The following SMARCA1 variants were observed in gnomAD, a reference collection of about 807,000 sequenced individuals.
SMARCA1 encodes the protein SWI/SNF-related matrix-associated actin-dependent regulator of chromatin subfamily A member 1.
In SMARCA1, 17 loss-of-function variants were observed where a neutral mutation model predicts 93.6. The ratio of observed to expected loss-of-function variants is 0.18; its 90% CI spans 0.12 to 0.27. The LOEUF (loss-of-function observed/expected upper bound fraction) is 0.27. SMARCA1 is among the 10% of genes least tolerant of loss of function. The pLI, the probability that SMARCA1 is intolerant of heterozygous loss-of-function variation, is 1.00. For synonymous variants in SMARCA1, 271 were observed against 271.4 expected (o/e 1.00, Z 0.01); for missense variants, 630 against 819.0 (o/e 0.77, Z 2.82).
chrX:129,495,676 G>C (rs1259685810), intron 12 of SMARCA1, among the ~76,000 whole-genome samples: 2 of 109,592 alleles, frequency 1.8e-5, no homozygotes, highest in Non-Finnish European at 3.8e-5. Flanking sequence ...AACACACCTG[G>C]CCAGAACTTA....
intron 11 of SMARCA1, 60 bp from the exon 12 acceptor site, chrX:129,496,931 CT>C (rs1934351155): frequency 9.3e-7 from 1 of 1,074,348 alleles, no homozygotes; most frequent in East Asian, 3.0e-5. Flanking sequence ...AACTTAAAAG[CT>C]ACAAAATAAA....
intron 23 of SMARCA1, 57 bp from the exon 24 acceptor site, chrX:129,448,500 G>T (rs991911201): frequency 4.9e-5 from 49 of 996,463 alleles, no homozygotes; most frequent in Non-Finnish European, 6.3e-5. Context: ...TCTTTAAAAC[G>T]CTGACAACTA....
intron 23 of SMARCA1, 69 bp downstream of exon 23, chrX:129,465,451 A>G (rs1019705142): frequency 4.1e-5 from 27 of 662,767 alleles, no homozygotes; most frequent in Admixed American, 5.8e-5. Flanking sequence ...ATCTAGGTGA[A>G]GGATATATGG....
chrX:129,465,305 T>C (rs1056885006), intron 23 of SMARCA1, among the ~76,000 whole-genome samples: 9 of 111,641 alleles, frequency 8.1e-5, no homozygotes, highest in Non-Finnish European at 1.1e-4. Flanking sequence ...TTTCAGAATA[T>C]AGAATATAGA....
At chrX:129,498,562 C>T (rs1011353213) in intron 10 of SMARCA1, among the ~76,000 whole-genome samples, 2 of 111,073 alleles carry the variant, frequency 1.8e-5, no homozygotes, top group Non-Finnish European at 3.8e-5. Flanking sequence ...TTGCTGAGTG[C>T]AAGTGCCAAG....
At position 129,447,018 on chromosome X, in the gene SMARCA1, T is replaced by C. The variant is rs1485038446; in HGVS notation, c.*144A>G. 4.3e-6 allele frequency: 2 copies of C among 463,689 alleles called. No individual in the cohort carries two copies. The highest frequency in any genetic ancestry group is 3.6e-6 in the Non-Finnish European group (1 of 278,431). The allele number at this position is 463,689 out of a possible 1,213,427, so 38.2% of individuals were successfully genotyped here. Reference sequence around the variant, plus strand: ...AGCTACACATTTCAGGTAGAAAGCATTGTAAAATATATAAAATATGCAAGA... The same window carrying C: ...AGCTACACATTTCAGGTAGAAAGCACTGTAAAATATATAAAATATGCAAGA... On this transcript the variant is annotated 3_prime_UTR_variant, in exon 25 of 25. Coordinates refer to ENST00000371121, the MANE Select transcript of SMARCA1 (RefSeq NM_001282874.2).
intron 23 of SMARCA1, among the ~76,000 whole-genome samples, chrX:129,458,169 T>C (rs1932720836): frequency 1.8e-5 from 2 of 112,503 alleles, no homozygotes; most frequent in Non-Finnish European, 3.8e-5. Flanking sequence ...TGTGTGTCCA[T>C]TTTCCAAGAA....
chrX:129,451,709 T>C (rs893695123), intron 23 of SMARCA1, among the ~76,000 whole-genome samples: 1 of 101,093 alleles, frequency 9.9e-6, no homozygotes, highest in African/African-American at 3.7e-5. Flanking sequence ...CATTTTTTTT[T>C]TTTTTTTTTT....
intron 23 of SMARCA1, among the ~76,000 whole-genome samples, chrX:129,457,864 C>G (rs1932703749): frequency 8.9e-6 from 1 of 111,864 alleles, no homozygotes; most frequent in African/African-American, 3.2e-5. Flanking sequence ...GCCTCAATCA[C>G]AGTCACCCCT....
In SMARCA1 at chrX:129,454,393, G is replaced by A. The variant is rs764990477; in HGVS notation, c.3031-5950C>T. Among the ~76,000 whole-genome samples the A allele has an allele frequency of 1.9e-4, 21 of 111,956 alleles. No homozygotes were observed. In the South Asian group the frequency reaches 7.4e-3, roughly 40 times the overall value. The stretch of plus-strand genomic sequence containing the variant: ...GGACACAGGCTTGGGCAAAGACTTC[G>A]TGAGTAAAACACCAAAAGCAATGGC... On this transcript the variant is annotated intron_variant, in intron 23 of 24. Coordinates refer to ENST00000371121, the MANE Select transcript of SMARCA1 (RefSeq NM_001282874.2).
intron 19 of SMARCA1, among the ~76,000 whole-genome samples, chrX:129,472,547 C>T (rs546368611): frequency 9.0e-6 from 1 of 111,438 alleles, no homozygotes; most frequent in African/African-American, 3.3e-5. Flanking sequence ...CCTAACTGAG[C>T]ATTAAAAAGA....
At chrX:129,519,405 C>T (rs1266662440) in intron 1 of SMARCA1, among the ~76,000 whole-genome samples, 1 of 111,876 alleles carries the variant, frequency 8.9e-6, no homozygotes, top group East Asian at 2.8e-4. Context: ...CAAATTTGTT[C>T]GTGAAAACTA....
At chrX:129,514,911 G>A (rs973592883) in intron 5 of SMARCA1, among the ~76,000 whole-genome samples, 2 of 110,898 alleles carry the variant, frequency 1.8e-5, no homozygotes, top group Non-Finnish European at 3.8e-5. Flanking sequence ...TTAGCCGGAC[G>A]TGGTGGCAGG....
chrX:129,508,366 T>C (rs1427359384), intron 6 of SMARCA1, among the ~76,000 whole-genome samples: 1 of 111,981 alleles, frequency 8.9e-6, no homozygotes, highest in African/African-American at 3.2e-5. Context: ...CCTAGAAAAG[T>C]TCGTATGACC....
At chrX:129,500,282 C>T (rs1602710632) in intron 9 of SMARCA1, among the ~76,000 whole-genome samples, 1 of 112,298 alleles carries the variant, frequency 8.9e-6, no homozygotes, top group Non-Finnish European at 1.9e-5. Flanking sequence ...ATTCTCCTGC[C>T]TCAGCCTCCT....
At chrX:129,473,836 G>T (rs886746623) in intron 19 of SMARCA1, among the ~76,000 whole-genome samples, 20 of 112,056 alleles carry the variant, frequency 1.8e-4, no homozygotes, top group African/African-American at 6.2e-4. Context: ...ACTTTCTGGG[G>T]TGACAGAAAT....
chrX:129,508,656 G>A (rs1934912513), intron 6 of SMARCA1, among the ~76,000 whole-genome samples: 2 of 112,209 alleles, frequency 1.8e-5, no homozygotes, highest in Admixed American at 1.9e-4. Flanking sequence ...CTTGCCATGA[G>A]GTTACAAATA....
chrX:129,471,232 G>A lies in SMARCA1; in HGVS notation c.2537C>T (p.Thr846Ile). Residue 846 changes from threonine to isoleucine, a missense_variant, in exon 20 of 25, where the codon ACT (threonine) becomes ATT (isoleucine). Thr to Ile is a moderately conservative substitution (Grantham distance 89). Transcript: ENST00000371121. ...TGTGAGAAGTTTTTCCTTTTCTTCA[G>A]TCTCTTCTGGTGTAAGAGGTTCAGC... is the stretch of plus-strand genomic sequence containing the variant. ...DGAEPLTPEE[T>I]EEKEKLLTQG... 8.4e-7 allele frequency: 1 copy of A among 1,195,314 alleles called. No homozygotes were observed. The highest frequency in any genetic ancestry group is 1.1e-6 in the Non-Finnish European group (1 of 885,399).
intron 23 of SMARCA1, among the ~76,000 whole-genome samples, chrX:129,456,550 T>A (rs2124169303): frequency 8.9e-6 from 1 of 112,475 alleles, no homozygotes; most frequent in African/African-American, 3.2e-5. Context: ...CTGGAAAGGA[T>A]TCATCGTTCT....
Sources: gnomAD v4.1 joint callset for allele counts (sites outside exome capture counted in the v4.1 genomes callset) on GRCh38, gnomAD v4.1.1 for gene constraint, MANE v1.5 for transcripts, NCBI Gene and HGNC (gene_info 2026-07-23, HGNC 2026-07-21) for gene names.